The following CEP55 variants were observed in gnomAD, a reference collection of about 807,000 sequenced individuals.
The protein encoded by CEP55 is centrosomal protein 55, also known as centrosomal protein of 55 kDa.
Under a neutral mutation model 63.2 loss-of-function variants are expected in CEP55, and 57 were observed. That is an observed-to-expected ratio of 0.90 (90% CI 0.73 to 1.13). The LOEUF (loss-of-function observed/expected upper bound fraction) is 1.13, where lower values mean the gene tolerates loss of function less well. Ranked by LOEUF, CEP55 falls within the 50% of genes most tolerant of loss-of-function variation. The pLI, the probability that CEP55 is intolerant of heterozygous loss-of-function variation, is 0.00. For missense variants in CEP55, 456 were observed against 518.9 expected, an observed-to-expected ratio of 0.88 and a Z score of 1.18; for synonymous variants, 178 against 191.6, an observed-to-expected ratio of 0.93 and a Z score of 0.59.
In CEP55 at chr10:93,517,050, T is replaced by G; in HGVS notation, c.795T>G (p.Phe265Leu). The change falls in exon 6 of 9, where the codon TTT becomes TTG. Residue 265 changes from phenylalanine to leucine, a missense_variant. Transcript: ENST00000371485. ...ITQLSFELSE[F>L]RRKYEETQKE... ...AGCTGAGTTTTGAACTGAGTGAATT[T>G]CGAAGAAAATATGAAGAAACCCAAA... is the stretch of plus-strand genomic sequence containing the variant. The G allele has an allele frequency of 6.2e-7, 1 of 1,614,056 alleles. No homozygotes were observed. Among genetic ancestry groups the G allele is most frequent in the Non-Finnish European group, 8.5e-7 (1 of 1,179,952 alleles).
chr10:93,515,768 T>C (rs558897285), intron 5 of CEP55, among the ~76,000 whole-genome samples: 1 of 152,356 alleles, frequency 6.6e-6, no homozygotes, highest in African/African-American at 2.4e-5. Flanking sequence ...TGGGTGATCT[T>C]TGGCAGTTCT....
At chr10:93,498,063 A>C (rs1347224764) in intron 1 of CEP55, among the ~76,000 whole-genome samples, 3 of 151,812 alleles carry the variant, frequency 2.0e-5, no homozygotes, top group African/African-American at 7.3e-5. Flanking sequence ...CGGAGGTTGC[A>C]GTGATCTGAG....
chr10:93,520,053 A>C, intron 8 of CEP55: 1 of 510,466 alleles, frequency 2.0e-6, no homozygotes, highest in Non-Finnish European at 3.6e-6. Context: ...GGAGGCACTA[A>C]ATAGTGCCTG....
At chr10:93,524,583 A>C (rs2057900322) in intron 8 of CEP55, among the ~76,000 whole-genome samples, 1 of 152,226 alleles carries the variant, frequency 6.6e-6, no homozygotes, top group African/African-American at 2.4e-5. Context: ...TCCCTAACTC[A>C]TTTTATGAGG....
rs1288315224 is a variant in CEP55 at position 93,515,567 on chromosome 10, T to C, written c.679+12T>C. ...GCCTGAATCAGAAGGTACTGACTGG[T>C]ATAAAAATGTTCTCTAGGGATAGGC... On this transcript the variant is annotated intron_variant, in intron 5 of 8. Transcript: ENST00000371485. The C allele has an allele frequency of 1.3e-6, 2 of 1,584,518 alleles. No individual in the cohort carries two copies. Among genetic ancestry groups the C allele is most frequent in the Admixed American group, 1.8e-5 (1 of 56,780 alleles).
Position 93,524,933 on chromosome 10 carries a change from C to T in CEP55, c.1192-3017C>T, listed in dbSNP as rs1288332364. Among the ~76,000 whole-genome samples, 378 of 152,100 alleles carry T rather than the reference C, an allele frequency of 2.5e-3. 4 individuals carry two copies. Among genetic ancestry groups the T allele is most frequent in the African/African-American group, 8.9e-3 (370 of 41,480 alleles). ...CTCAATAAATTAGGTATTGATGGGA[C>T]ATATCTCAAAATAATAAGAGCTATT... is the stretch of plus-strand genomic sequence containing the variant. On this transcript the variant is annotated intron_variant, in intron 8 of 8. Transcript: ENST00000371485.
intron 3 of CEP55, 76 bp downstream of exon 3, chr10:93,503,464 T>C (rs1464433788): frequency 1.5e-6 from 2 of 1,363,812 alleles, no homozygotes; most frequent in African/African-American, 2.9e-5. Flanking sequence ...GGAATGAGTT[T>C]GTTAAGACAT....
chr10:93,519,886 A>G, intron 8 of CEP55, 79 bp downstream of exon 8: 1 of 1,496,184 alleles, frequency 6.7e-7, no homozygotes, highest in East Asian at 2.3e-5. Context: ...TTAGGAGGAT[A>G]CAGCTTAACA....
Position 93,503,392 on chromosome 10 carries a change from C to A in CEP55, c.459+4C>A. The A allele has an allele frequency of 6.3e-7, 1 of 1,597,776 alleles. No individual in the cohort carries two copies. On this transcript the variant is annotated splice_donor_region_variant and intron_variant, in intron 3 of 8. Transcript: ENST00000371485. ...CAATACACTCCGTTTATCACAGGTGCTAATCATTTCTTTAAACCCAGATTT... is the reference window on the plus strand; with the variant it reads ...CAATACACTCCGTTTATCACAGGTGATAATCATTTCTTTAAACCCAGATTT...
chr10:93,501,216 A>G (rs567805450), intron 2 of CEP55, among the ~76,000 whole-genome samples: 1 of 152,312 alleles, frequency 6.6e-6, no homozygotes, highest in Non-Finnish European at 1.5e-5. Context: ...ACATGTTGGC[A>G]TTTACACTCT....
At chr10:93,523,507 A>G (rs1444197494) in intron 8 of CEP55, among the ~76,000 whole-genome samples, 21 of 152,180 alleles carry the variant, frequency 1.4e-4, no homozygotes, top group Non-Finnish European at 1.3e-4. Flanking sequence ...TTAACACCCC[A>G]CTGTCAACAT....
chr10:93,528,216 C>A lies in CEP55; in HGVS notation c.*63C>A. On this transcript the variant is annotated 3_prime_UTR_variant, in exon 9 of 9. Transcript: ENST00000371485. ...ACTGTATTTTCTGTTAGCTTGTGGG[C>A]ATTTTGAATTATATATTTCACATTT... is the stretch of plus-strand genomic sequence containing the variant. 1.4e-6 allele frequency: 2 copies of A among 1,408,352 alleles called. No homozygotes were observed. Among genetic ancestry groups the A allele is most frequent in the Non-Finnish European group, 2.0e-6 (2 of 1,004,016 alleles). The allele number at this position is 1,408,352 out of a possible 1,614,324, so 87.2% of individuals were successfully genotyped here.
At position 93,502,875 on chromosome 10, in the gene CEP55, T is replaced by C. The variant is rs114627930; in HGVS notation, c.184-238T>C. ...GTGGTTTCTCCTTTCTTTGTGTCTG[T>C]GCTCATTTTTTAATCTGTCTTAACT... On this transcript the variant is annotated intron_variant, in intron 2 of 8. Coordinates refer to ENST00000371485, the MANE Select transcript of CEP55 (RefSeq NM_018131.5). Among the ~76,000 whole-genome samples the C allele has an allele frequency of 5.7e-3, 861 of 152,360 alleles. 12 individuals are homozygous for C. Among genetic ancestry groups the C allele is most frequent in the African/African-American group, 0.02 (827 of 41,582 alleles).
chr10:93,503,282 T>G lies in CEP55; in HGVS notation c.353T>G (p.Leu118Trp), dbSNP rs760234983. The G allele has an allele frequency of 6.2e-7, 1 of 1,614,108 alleles. No homozygotes were observed. The highest frequency in any genetic ancestry group is 1.1e-5 in the South Asian group (1 of 91,082). ...TREGERREQV[L>W]KALSEEKDVL... ...GAAGGAGAAAGGAGGGAGCAGGTGT[T>G]GAAAGCCTTATCTGAAGAGAAAGAC... The change falls in exon 3 of 9, where the codon TTG (leucine) becomes TGG (tryptophan). Residue 118 changes from leucine to tryptophan, a missense_variant. Physicochemically the swap from Leu to Trp is moderately conservative, Grantham distance 61. Coordinates refer to ENST00000371485, the MANE Select transcript of CEP55 (RefSeq NM_018131.5).
At chr10:93,504,446 C>A (rs1465535743) in intron 3 of CEP55, among the ~76,000 whole-genome samples, 1 of 150,550 alleles carries the variant, frequency 6.6e-6, no homozygotes, top group African/African-American at 2.4e-5. Context: ...GTACTCCGGC[C>A]TGGGTGACAG....
In CEP55 at chr10:93,528,897, T is replaced by G. The variant is rs1449603877; in HGVS notation, c.*744T>G. The G allele has an allele frequency of 6.6e-6, 1 of 152,232 alleles. No individual in the cohort carries two copies. Among genetic ancestry groups the G allele is most frequent in the Non-Finnish European group, 1.5e-5 (1 of 68,042 alleles). The allele number at this position is 152,232 out of a possible 1,614,324, so 9.4% of individuals were successfully genotyped here. On this transcript the variant is annotated 3_prime_UTR_variant, in exon 9 of 9. Coordinates refer to ENST00000371485, the MANE Select transcript of CEP55 (RefSeq NM_018131.5). ...AATAAACCCATGTAGCCCTCTCATT[T>G]GATTGACAGTATTTTAGTTATTTTT... is the stretch of plus-strand genomic sequence containing the variant.
chr10:93,528,559 C>A lies in CEP55; in HGVS notation c.*406C>A, dbSNP rs1389203656. ...CTTAACTGTGTTCGCATTTTTTATCCAAGCACTTAGAAAACCTACAATCCT... is the reference window on the plus strand; with the variant it reads ...CTTAACTGTGTTCGCATTTTTTATCAAAGCACTTAGAAAACCTACAATCCT... On this transcript the variant is annotated 3_prime_UTR_variant, in exon 9 of 9. Transcript: ENST00000371485. 2 of 167,570 alleles carry A rather than the reference C, an allele frequency of 1.2e-5. No individual in the cohort carries two copies. The highest frequency in any genetic ancestry group is 1.2e-4 in the Admixed American group (2 of 16,814). 10.4% of individuals were successfully genotyped at this position (167,570 alleles called of 1,614,324 possible).
Position 93,500,096 on chromosome 10 carries a change from A to T in CEP55, c.45A>T (p.Gly15=). 2.5e-6 allele frequency: 4 copies of T among 1,613,380 alleles called. No homozygotes were observed. Among genetic ancestry groups the T allele is most frequent in the Non-Finnish European group, 3.4e-6 (4 of 1,179,628 alleles). Residue 15 remains glycine, a synonymous_variant, in exon 2 of 9, where the codon GGA becomes GGT. Coordinates refer to ENST00000371485, the MANE Select transcript of CEP55 (RefSeq NM_018131.5). The part of the protein sequence containing the change: ...STKDLIKSKW[G]SKPSNSKSET... ...AAGATTTAATTAAAAGTAAGTGGGG[A>T]TCGAAGCCTAGTAACTCCAAATCCG...
At chr10:93,510,099 C>A (rs958581473) in intron 4 of CEP55, among the ~76,000 whole-genome samples, 5 of 152,272 alleles carry the variant, frequency 3.3e-5, no homozygotes, top group Non-Finnish European at 7.4e-5. Flanking sequence ...CCAGTTGTAT[C>A]ATTGTTCAGT....
Sources: gnomAD v4.1 joint callset for allele counts (sites outside exome capture counted in the v4.1 genomes callset) on GRCh38, gnomAD v4.1.1 for gene constraint, MANE v1.5 for transcripts, NCBI Gene and HGNC (gene_info 2026-07-23, HGNC 2026-07-21) for gene names.